Variants in MYT1L observed in about 807,000 individuals in gnomAD.
The protein encoded by MYT1L is myelin transcription factor 1-like protein.
In MYT1L, 12 loss-of-function variants were observed where a neutral mutation model predicts 126.7. That is an observed-to-expected ratio of 0.09 (90% CI 0.06 to 0.15). The LOEUF is 0.15. MYT1L is among the 10% of genes least tolerant of loss of function. The pLI, the probability that MYT1L is intolerant of heterozygous loss-of-function variation, is 1.00. For synonymous variants in MYT1L, 541 were observed against 604.2 expected (o/e 0.90, Z 1.53); for missense variants, 979 against 1,585.2 (o/e 0.62, Z 6.49).
intron 18 of MYT1L, among the ~76,000 whole-genome samples, chr2:1,878,429 C>A (rs1028617374): frequency 6.6e-6 from 1 of 152,076 alleles, no homozygotes; most frequent in Non-Finnish European, 1.5e-5. Flanking sequence ...TATTCCTACA[C>A]GTTTGTTAGA....
chr2:1,892,280 C>T lies in MYT1L; in HGVS notation c.2040G>A (p.Arg680=). Residue 680 remains arginine (R), a synonymous_variant, in exon 15 of 25, where the codon CGG becomes CGA. Coordinates refer to ENST00000647738, the MANE Select transcript of MYT1L (RefSeq NM_001303052.2). Reference sequence around the variant, plus strand: ...TGCTGGGGCTGGGGTCCTTGCAGTACCGCTTCGCTGGGGAGACAGGGACAG... The same window carrying T: ...TGCTGGGGCTGGGGTCCTTGCAGTATCGCTTCGCTGGGGAGACAGGGACAG... ...ISPKGYDDAK[R]YCKDPSPSSS... The T allele has an allele frequency of 6.5e-7, 1 of 1,548,438 alleles. No homozygotes were observed. The highest frequency in any genetic ancestry group is 1.2e-5 in the South Asian group (1 of 83,902).
chr2:2,223,674 A>C (rs2093940290), intron 2 of MYT1L, among the ~76,000 whole-genome samples: 1 of 152,176 alleles, frequency 6.6e-6, no homozygotes, highest in Admixed American at 6.5e-5. Flanking sequence ...TTTTGTCTTT[A>C]CAAGATTGGA....
chr2:2,016,218 C>T lies in MYT1L; in HGVS notation c.-157-18871G>A, dbSNP rs140878662. On this transcript the variant is annotated intron_variant, in intron 4 of 24. Coordinates refer to ENST00000647738, the MANE Select transcript of MYT1L (RefSeq NM_001303052.2). ...GCTCTCTGGAGCTTAGATGCCCAGG[C>T]AGGGATGGCAAACAAATGCACAGAC... Among the ~76,000 whole-genome samples the T allele has an allele frequency of 5.3e-5, 8 of 152,298 alleles. No homozygotes were observed. In the East Asian group the frequency reaches 7.7e-4, roughly 15 times the overall value.
chr2:1,896,539 A>G (rs78217351), intron 14 of MYT1L, among the ~76,000 whole-genome samples: 7,159 of 152,304 alleles, frequency 0.047, 194 homozygotes, highest in South Asian at 0.076. Context: ...TGTCATTTGC[A>G]GTAACATGGA....
chr2:2,295,611 G>GAC lies in MYT1L; in HGVS notation c.-520-11109_-520-11108insGT, dbSNP rs1559583977. ...AGACAGACAGAGAGAGAGACAGACA[G>GAC]AGAGAGAGAGAGAGACAGACAGACA... On this transcript the variant is annotated intron_variant, in intron 1 of 24. Transcript: ENST00000647738. 1.1e-3 allele frequency among the ~76,000 whole-genome samples: 116 copies of GAC among 107,362 alleles called. 19 individuals carry two copies. The East Asian group carries it at 0.012, about 11-fold the overall frequency. The allele number at this position is 107,362 out of a possible 152,430, so 70.4% of individuals were successfully genotyped here.
At chr2:2,029,132 GAGAA>G (rs1218384112) in intron 4 of MYT1L, among the ~76,000 whole-genome samples, 1 of 152,202 alleles carries the variant, frequency 6.6e-6, no homozygotes, top group Non-Finnish European at 1.5e-5. Flanking sequence ...GTATCAAAAA[GAGAA>G]AGGTAATATT....
At chr2:2,024,562 T>C (rs189091140) in intron 4 of MYT1L, among the ~76,000 whole-genome samples, 1 of 152,348 alleles carries the variant, frequency 6.6e-6, no homozygotes, top group Non-Finnish European at 1.5e-5. Flanking sequence ...GCAACTTCAT[T>C]CACTGTAGGA....
intron 9 of MYT1L, among the ~76,000 whole-genome samples, chr2:1,930,769 T>C (rs2054854472): frequency 6.6e-6 from 1 of 152,222 alleles, no homozygotes. Flanking sequence ...TAGGATTGAC[T>C]GGCATGTTTT....
rs1162175677 is a variant in MYT1L at position 2,059,131 on chromosome 2, G to A, written c.-303-5008C>T. On this transcript the variant is annotated intron_variant, in intron 3 of 24. Coordinates refer to ENST00000647738, the MANE Select transcript of MYT1L (RefSeq NM_001303052.2). The surrounding 1 kb of genome is among the most constrained non-coding windows in gnomAD (Gnocchi z 4.7). ...TCTTGTTATTCCTCAAAAGGTCTGC[G>A]TGTCACCCACACTGGCGGGAACTGA... 6.6e-6 allele frequency among the ~76,000 whole-genome samples: 1 copy of A among 152,146 alleles called. No individual in the cohort carries two copies. Among genetic ancestry groups the A allele is most frequent in the East Asian group, 1.9e-4 (1 of 5,188 alleles).
At chr2:2,276,580 G>T (rs750308276) in intron 2 of MYT1L, among the ~76,000 whole-genome samples, 44 of 152,132 alleles carry the variant, frequency 2.9e-4, no homozygotes, top group Non-Finnish European at 5.9e-4. Flanking sequence ...TGGTCCTCCT[G>T]ACATCTTCCT....
intron 2 of MYT1L, among the ~76,000 whole-genome samples, chr2:2,233,360 A>T (rs548707342): frequency 2.6e-5 from 4 of 152,242 alleles, no homozygotes; most frequent in African/African-American, 7.2e-5. Flanking sequence ...GCCACGTCTC[A>T]TCTCAGTCCT....
intron 1 of MYT1L, chr2:2,324,177 G>C (rs1015838188): frequency 1.3e-5 from 2 of 152,146 alleles, no homozygotes; most frequent in African/African-American, 4.8e-5. Flanking sequence ...TTACCTGGAG[G>C]GGATATCAAA....
chr2:2,246,024 A>T lies in MYT1L; in HGVS notation c.-421+38380T>A, dbSNP rs371125217. On this transcript the variant is annotated intron_variant, in intron 2 of 24. Coordinates refer to ENST00000647738, the MANE Select transcript of MYT1L (RefSeq NM_001303052.2). ...CCCATTTTAAACTTCTGCCTAGAGA[A>T]CTGTAAGATAACAAATTTGCATTCT... Among the ~76,000 whole-genome samples, 76 of 152,324 alleles carry T rather than the reference A, an allele frequency of 5.0e-4. 1 individual carries two copies. In the South Asian group the frequency reaches 0.015, roughly 31 times the overall value.
At chr2:2,116,773 G>A (rs2080265527) in intron 3 of MYT1L, among the ~76,000 whole-genome samples, 1 of 152,374 alleles carries the variant, frequency 6.6e-6, no homozygotes, top group South Asian at 2.1e-4. Context: ...AGGCTTGGAG[G>A]AAGCCAAGAC....
intron 2 of MYT1L, among the ~76,000 whole-genome samples, chr2:2,260,925 T>C (rs544946929): frequency 6.6e-6 from 1 of 152,330 alleles, no homozygotes; most frequent in South Asian, 2.1e-4. Context: ...AGCATTTCTC[T>C]TGGGAAATTC....
rs141404213 is a variant in MYT1L, at chr2:1,947,647, C to A, written c.153-4313G>T. Among the ~76,000 whole-genome samples the A allele has an allele frequency of 2.8e-4, 42 of 152,336 alleles. No individual in the cohort carries two copies. In the East Asian group the frequency reaches 4.6e-3, roughly 17 times the overall value. On this transcript the variant is annotated intron_variant, in intron 8 of 24. Coordinates refer to ENST00000647738, the MANE Select transcript of MYT1L (RefSeq NM_001303052.2). ...CTTTCATTGCTTTTCCATCTCCTGG[C>A]AGCTGCCATGGCTCCTACTCCATTA...
intron 5 of MYT1L, among the ~76,000 whole-genome samples, chr2:1,981,689 T>G (rs1389370376): frequency 2.0e-5 from 3 of 152,052 alleles, no homozygotes. Flanking sequence ...TTCTTGAGCA[T>G]GGGGAGGACG....
At chr2:2,203,843 C>T (rs1177652499) in intron 2 of MYT1L, among the ~76,000 whole-genome samples, 1 of 152,194 alleles carries the variant, frequency 6.6e-6, no homozygotes, top group African/African-American at 2.4e-5. Flanking sequence ...AGGCATCACA[C>T]TACCTGACTT....
At chr2:2,150,901 G>A (rs1057202456) in intron 3 of MYT1L, among the ~76,000 whole-genome samples, 1 of 140,832 alleles carries the variant, frequency 7.1e-6, no homozygotes, top group Non-Finnish European at 1.6e-5. Context: ...AAGGGAAGGA[G>A]GGAGGGAGGG....
Sources: allele counts gnomAD v4.1 joint callset (sites outside exome capture counted in the v4.1 genomes callset), GRCh38; gene constraint gnomAD v4.1.1; non-coding constraint Gnocchi (gnomAD v3.1); transcripts MANE v1.5; gene names NCBI Gene and HGNC (gene_info 2026-07-23, HGNC 2026-07-21).